ATOSA: variants seen among roughly 807,000 people sequenced by gnomAD.
The protein encoded by ATOSA is atos homolog A.
the ATOSA span, among the ~76,000 whole-genome samples, chr15:52,669,925 T>C: frequency 6.6e-6 from 1 of 152,196 alleles, no homozygotes; most frequent in African/African-American, 2.4e-5. Context: ...AAAGCAGTTT[T>C]GGGCAACATC....
the ATOSA span, among the ~76,000 whole-genome samples, chr15:52,594,635 T>G: frequency 2.0e-5 from 3 of 152,162 alleles, no homozygotes; most frequent in Non-Finnish European, 4.4e-5. Context: ...ACAATCAACC[T>G]TCTATATCTC....
the ATOSA span, among the ~76,000 whole-genome samples, chr15:52,612,958 T>A: frequency 1.9e-4 from 28 of 145,210 alleles, 1 homozygote; most frequent in Non-Finnish European, 2.4e-4. Context: ...TCTTCCCATT[T>A]AAAAAAAAAA....
chr15:52,603,481 A>G, the ATOSA span, among the ~76,000 whole-genome samples: 2,682 of 152,276 alleles, frequency 0.018, 85 homozygotes, highest in African/African-American at 0.062. Flanking sequence ...TGCTGGGCAT[A>G]TATCTTAAGG....
At chr15:52,643,838 G>A in the ATOSA span, among the ~76,000 whole-genome samples, 9 of 151,688 alleles carry the variant, frequency 5.9e-5, no homozygotes, top group South Asian at 2.1e-4. Flanking sequence ...ACTTGAACCC[G>A]GGAGGCGGAG....
chr15:52,605,027 T>G, the ATOSA span: 1 of 751,650 alleles, frequency 1.3e-6, no homozygotes, highest in Non-Finnish European at 2.1e-6. Context: ...TTACTGGAAA[T>G]TTAAAGATAT....
chr15:52,682,082 G>A, the ATOSA span, among the ~76,000 whole-genome samples: 723 of 152,276 alleles, frequency 4.7e-3, 3 homozygotes, highest in Non-Finnish European at 7.3e-3. Flanking sequence ...CTTTTCTTGT[G>A]CATGCCTGTA....
chr15:52,619,239 T>C, the ATOSA span, among the ~76,000 whole-genome samples: 1 of 152,182 alleles, frequency 6.6e-6, no homozygotes, highest in Non-Finnish European at 1.5e-5. Flanking sequence ...TTGTTATAGA[T>C]TGTACTTGAA....
the ATOSA span, among the ~76,000 whole-genome samples, chr15:52,654,803 TACTTTAA>T: frequency 6.6e-6 from 1 of 152,136 alleles, no homozygotes; most frequent in Non-Finnish European, 1.5e-5. Flanking sequence ...GATAGTAAGA[TACTTTAA>T]GAGATAACAT....
chr15:52,600,278 T>C, the ATOSA span: 8 of 1,268,884 alleles, frequency 6.3e-6, no homozygotes, highest in African/African-American at 1.2e-4. Context: ...TTAGCCACAA[T>C]ACTTTTTTTT....
chr15:52,658,714 C>G, the ATOSA span: 2 of 359,608 alleles, frequency 5.6e-6, no homozygotes, highest in South Asian at 2.7e-4. Flanking sequence ...GCTTGTAATT[C>G]CAGACTTTAG....
chr15:52,609,424 T>C, the ATOSA span: 1 of 1,613,752 alleles, frequency 6.2e-7, no homozygotes, highest in South Asian at 1.1e-5. Context: ...TGCTGTTGGA[T>C]CAATGTGCTC....
chr15:52,666,882 G>A, the ATOSA span, among the ~76,000 whole-genome samples: 1 of 152,004 alleles, frequency 6.6e-6, no homozygotes, highest in African/African-American at 2.4e-5. Flanking sequence ...GCAGAGTAAA[G>A]GGAGAATGAA....
At chr15:52,595,609 T>A in the ATOSA span, among the ~76,000 whole-genome samples, 7 of 151,770 alleles carry the variant, frequency 4.6e-5, no homozygotes, top group South Asian at 1.5e-3. Flanking sequence ...GACAAGACTG[T>A]CTATGTAGAA....
chr15:52,607,199 T>G, the ATOSA span, among the ~76,000 whole-genome samples: 2 of 152,142 alleles, frequency 1.3e-5, no homozygotes, highest in Non-Finnish European at 2.9e-5. Context: ...GGACTAGAAC[T>G]CAGGTGTTTT....
the ATOSA span, chr15:52,678,098 C>T: frequency 1.3e-6 from 2 of 1,540,838 alleles, no homozygotes; most frequent in Non-Finnish European, 1.8e-6. Flanking sequence ...GCTGATTCTA[C>T]GGCTTCTGCT....
the ATOSA span, among the ~76,000 whole-genome samples, chr15:52,597,893 G>A: frequency 2.0e-5 from 3 of 152,178 alleles, no homozygotes; most frequent in Non-Finnish European, 4.4e-5. Context: ...GGGAGGCCGA[G>A]GCAGGTGGAT....
the ATOSA span, among the ~76,000 whole-genome samples, chr15:52,677,777 T>C: frequency 6.6e-6 from 1 of 152,228 alleles, no homozygotes; most frequent in South Asian, 2.1e-4. Context: ...TGAGATACAC[T>C]AGAATCTCTC....
At chr15:52,686,034 G>T in the ATOSA span, among the ~76,000 whole-genome samples, 1 of 152,152 alleles carries the variant, frequency 6.6e-6, no homozygotes, top group African/African-American at 2.4e-5. Context: ...TTTAGGTTCA[G>T]TAGAGTTTTC....
the ATOSA span, among the ~76,000 whole-genome samples, chr15:52,643,299 T>TA: frequency 5.5e-4 from 83 of 152,280 alleles, no homozygotes; most frequent in African/African-American, 2.0e-3. Context: ...CTTGAACTTT[T>TA]TAAAAAAACT....
Sources: gnomAD v4.1 joint callset for allele counts (sites outside exome capture counted in the v4.1 genomes callset) on GRCh38, gnomAD v4.1.1 for gene constraint, MANE v1.5 for transcripts, NCBI Gene and HGNC (gene_info 2026-07-23, HGNC 2026-07-21) for gene names.